The following LRRCC1 variants were observed in gnomAD, a reference collection of about 807,000 sequenced individuals.
The protein encoded by LRRCC1 is leucine-rich repeat and coiled-coil domain-containing protein 1.
Under a neutral mutation model 126.0 loss-of-function variants are expected in LRRCC1, and 115 were observed. The ratio of observed to expected loss-of-function variants is 0.91; its 90% CI spans 0.78 to 1.07. The LOEUF is 1.07. Ranked by LOEUF, LRRCC1 falls within the 50% of genes least tolerant of loss-of-function variation. The probability of loss-of-function intolerance (pLI) is 0.00; values close to 1 mark genes in which losing one functional copy is unlikely to be tolerated. For missense variants in LRRCC1, 1,172 were observed against 1,175.7 expected (o/e 1.00, Z 0.05); for synonymous variants, 400 against 393.4 (o/e 1.02, Z -0.20).
At chr8:85,142,831 C>CAAAAAA (rs35806219) in intron 18 of LRRCC1, among the ~76,000 whole-genome samples, 1 of 119,482 alleles carries the variant, frequency 8.4e-6, no homozygotes, top group Non-Finnish European at 1.7e-5. Context: ...GACCCTGTCT[C>CAAAAAA]AAAAAAAAAA....
At chr8:85,135,063 A>T in intron 13 of LRRCC1, 31 bp downstream of exon 13, 1 of 1,393,720 alleles carries the variant, frequency 7.2e-7, no homozygotes, top group Admixed American at 2.8e-5. Context: ...ATGTTTTAAA[A>T]TTTTTTTACA....
intron 3 of LRRCC1, among the ~76,000 whole-genome samples, chr8:85,111,867 G>GTT (rs1409518317): frequency 6.7e-6 from 1 of 150,260 alleles, no homozygotes; most frequent in African/African-American, 2.5e-5. Context: ...TTGGGAAGGA[G>GTT]TTTTGTTTTT....
At chr8:85,143,571 C>T (rs1040451037) in intron 18 of LRRCC1, among the ~76,000 whole-genome samples, 1 of 151,606 alleles carries the variant, frequency 6.6e-6, no homozygotes, top group African/African-American at 2.4e-5. Context: ...CCCAGGAGTT[C>T]GGGACTATGG....
chr8:85,139,034 G>A (rs112718887), intron 17 of LRRCC1, among the ~76,000 whole-genome samples: 5 of 151,792 alleles, frequency 3.3e-5, no homozygotes, highest in East Asian at 1.9e-4. Flanking sequence ...CAACAAGAGC[G>A]AAACTTTGTC....
intron 4 of LRRCC1, 137 bp downstream of exon 4, chr8:85,113,236 A>G: frequency 1.5e-6 from 1 of 651,590 alleles, no homozygotes. Flanking sequence ...CATGGTTACA[A>G]ATAAAATTAG....
At position 85,138,031 on chromosome 8, in the gene LRRCC1, A is replaced by G. The variant is rs564363850; in HGVS notation, c.2494-4A>G. On this transcript the variant is annotated splice_region_variant and splice_polypyrimidine_tract_variant and intron_variant, in intron 15 of 18. Coordinates refer to ENST00000360375, the MANE Select transcript of LRRCC1 (RefSeq NM_033402.5). ...AAAACAAAGTGCCAATTTTTTTCTT[A>G]AAGTGTTTACAAGAAAAAGATGAAC... 2.7e-6 allele frequency: 4 copies of G among 1,497,328 alleles called. No individual in the cohort carries two copies. The African/African-American group carries it at 4.2e-5, about 16-fold the overall frequency. The allele number at this position is 1,497,328 out of a possible 1,614,324, so 92.8% of individuals were successfully genotyped here. A position where few individuals can be genotyped will look rare whatever the true frequency, so the allele number is the denominator to read the frequency against.
chr8:85,144,390 A>G (rs1811473576), intron 18 of LRRCC1, among the ~76,000 whole-genome samples: 1 of 147,244 alleles, frequency 6.8e-6, no homozygotes, highest in Non-Finnish European at 1.5e-5. Context: ...TAAGCTCTAA[A>G]ATAGAGTTAA....
chr8:85,114,296 CT>C (rs1307050055), intron 4 of LRRCC1, among the ~76,000 whole-genome samples: 6 of 151,544 alleles, frequency 4.0e-5, no homozygotes, highest in African/African-American at 1.2e-4. Flanking sequence ...TTGTTTTTCA[CT>C]TTTTTTCCTA....
chr8:85,129,075 C>T, intron 9 of LRRCC1, 100 bp from the exon 10 acceptor site: 1 of 862,618 alleles, frequency 1.2e-6, no homozygotes, highest in East Asian at 2.4e-5. Context: ...AGAGCATGAA[C>T]AAAGGAAGAC....
chr8:85,128,013 C>G (rs374339067), intron 9 of LRRCC1, among the ~76,000 whole-genome samples: 9 of 152,300 alleles, frequency 5.9e-5, no homozygotes, highest in East Asian at 1.9e-4. Flanking sequence ...GATCTTGTGA[C>G]TGAGTCATGG....
At chr8:85,144,659 T>C (rs560567079) in intron 18 of LRRCC1, among the ~76,000 whole-genome samples, 1 of 147,092 alleles carries the variant, frequency 6.8e-6, no homozygotes, top group African/African-American at 2.5e-5. Context: ...AGGCAGGGTT[T>C]CTCCATGTTG....
rs150727278 is a variant in LRRCC1, at chr8:85,109,277, C to T, written c.105-318C>T. 2.0e-3 allele frequency: 532 copies of T among 268,712 alleles called. 1 individual carries two copies. The highest frequency in any genetic ancestry group is 2.6e-3 in the South Asian group (20 of 7,840). The allele number at this position is 268,712 out of a possible 1,614,324, so 16.6% of individuals were successfully genotyped here. A position where few individuals can be genotyped will look rare whatever the true frequency, so the allele number is the denominator to read the frequency against. On this transcript the variant is annotated intron_variant, in intron 1 of 18. Coordinates refer to ENST00000360375, the MANE Select transcript of LRRCC1 (RefSeq NM_033402.5). Reference sequence around the variant, plus strand: ...AGATTCAAACTGGGATATTAACATTCCAAAGCCTTTACAGTTATTGACTAC... The same window carrying T: ...AGATTCAAACTGGGATATTAACATTTCAAAGCCTTTACAGTTATTGACTAC...
Position 85,129,292 on chromosome 8 carries a change from A to G in LRRCC1, c.1539A>G (p.Gln513=), listed in dbSNP as rs1357782667. ...TTGAACTAATGAAAGCAAAAGATCA[A>G]CAAGAGGATCACCTTAAACACTTAA... ...LTVELMKAKD[Q]QEDHLKHLRT... is the part of the protein sequence containing the mutation. The change falls in exon 10 of 19, where the codon CAA becomes CAG. Residue 513 remains glutamine, a synonymous_variant. Transcript: ENST00000360375. 1 of 1,613,970 alleles carries G rather than the reference A, an allele frequency of 6.2e-7. No individual in the cohort carries two copies. The highest frequency in any genetic ancestry group is 8.5e-7 in the Non-Finnish European group (1 of 1,179,934).
chr8:85,139,140 T>A (rs979985690), intron 17 of LRRCC1, among the ~76,000 whole-genome samples: 1 of 152,142 alleles, frequency 6.6e-6, no homozygotes, highest in Non-Finnish European at 1.5e-5. Context: ...CTAGTGATAT[T>A]TTAGTTGTTG....
intron 4 of LRRCC1, 43 bp downstream of exon 4, chr8:85,113,142 G>T: frequency 2.7e-6 from 4 of 1,464,336 alleles, no homozygotes; most frequent in Non-Finnish European, 3.7e-6. Context: ...AGTTAATATT[G>T]AGAGCTTCTT....
At chr8:85,128,805 T>C (rs1371019098) in intron 9 of LRRCC1, among the ~76,000 whole-genome samples, 5 of 152,166 alleles carry the variant, frequency 3.3e-5, no homozygotes, top group Non-Finnish European at 4.4e-5. Context: ...GGAATCTTTG[T>C]TTTTTGCTTC....
Position 85,145,371 on chromosome 8 carries a change from A to C in LRRCC1, c.2977-18A>C. On this transcript the variant is annotated intron_variant, in intron 18 of 18. Coordinates refer to ENST00000360375, the MANE Select transcript of LRRCC1 (RefSeq NM_033402.5). ...TTTCTTTAAGAAATTAAAATGTAAA[A>C]TTTACATGTCGATTTAGGTCCATCA... 7.0e-7 allele frequency: 1 copy of C among 1,437,834 alleles called. No homozygotes were observed. Among genetic ancestry groups the C allele is most frequent in the Non-Finnish European group, 9.2e-7 (1 of 1,088,060 alleles). 89.1% of individuals were successfully genotyped at this position (1,437,834 alleles called of 1,614,324 possible). A position where few individuals can be genotyped will look rare whatever the true frequency, so the allele number is the denominator to read the frequency against.
At chr8:85,135,326 T>A (rs938038928) in intron 13 of LRRCC1, among the ~76,000 whole-genome samples, 2 of 152,192 alleles carry the variant, frequency 1.3e-5, no homozygotes, top group African/African-American at 4.8e-5. Context: ...CTCAAATGGT[T>A]AAAGTTTGGG....
chr8:85,133,701 T>C (rs1330793992), intron 12 of LRRCC1, among the ~76,000 whole-genome samples: 1 of 152,170 alleles, frequency 6.6e-6, no homozygotes. Context: ...TTAAAAAATA[T>C]ACATGTGGCC....
Sources: allele counts gnomAD v4.1 joint callset (sites outside exome capture counted in the v4.1 genomes callset), GRCh38; gene constraint gnomAD v4.1.1; transcripts MANE v1.5; gene names NCBI Gene and HGNC (gene_info 2026-07-23, HGNC 2026-07-21).